PDPR: variants seen among roughly 807,000 people sequenced by gnomAD.
PDPR encodes the protein pyruvate dehydrogenase phosphatase regulatory subunit.
In PDPR, 50 loss-of-function variants were observed where a neutral mutation model predicts 102.2. That is an observed-to-expected ratio of 0.49 (90% CI 0.39 to 0.62). PDPR has a LOEUF of 0.62. Ranked by LOEUF, PDPR falls within the 20% of genes least tolerant of loss-of-function variation. The probability of loss-of-function intolerance (pLI) is 0.00; values close to 1 mark genes in which losing one functional copy is unlikely to be tolerated. For missense variants in PDPR, 625 were observed against 1,098.2 expected (o/e 0.57, Z 6.09); for synonymous variants, 259 against 406.0 (o/e 0.64, Z 4.35).
chr16:70,150,481 T>A (rs1300272762), intron 17 of PDPR, among the ~76,000 whole-genome samples: 5 of 152,240 alleles, frequency 3.3e-5, no homozygotes, highest in African/African-American at 1.2e-4. Context: ...GGCATGCTTG[T>A]TTTCTTCTTG....
At chr16:70,114,623 C>G (rs1962445959) in intron 1 of PDPR, among the ~76,000 whole-genome samples, 183 bp downstream of exon 1, 1 of 152,364 alleles carries the variant, frequency 6.6e-6, no homozygotes, top group South Asian at 2.1e-4. Context: ...GTACTCGTCC[C>G]CGTAAGGTTG....
rs1302096401 is a variant in PDPR, at chr16:70,161,040, AG to A, written c.*4162del. ...TTGCGTTGGCTTGCTTTCAGGGGTTAGCTACAAGATTCAGCTTTATATCTCT... is the reference window on the plus strand; with the variant it reads ...TTGCGTTGGCTTGCTTTCAGGGGTTACTACAAGATTCAGCTTTATATCTCT... On this transcript the variant is annotated 3_prime_UTR_variant, in exon 19 of 19. Coordinates refer to ENST00000288050, the MANE Select transcript of PDPR (RefSeq NM_017990.5). The A allele has an allele frequency of 7.2e-5, 11 of 152,810 alleles. No individual in the cohort carries two copies. Among genetic ancestry groups the A allele is most frequent in the African/African-American group, 2.6e-4 (11 of 41,608 alleles). 9.5% of individuals were successfully genotyped at this position (152,810 alleles called of 1,614,324 possible). A position where few individuals can be genotyped will look rare whatever the true frequency, so the allele number is the denominator to read the frequency against.
chr16:70,153,401 A>C lies in PDPR; in HGVS notation c.2063A>C (p.His688Pro). ...MLYIPIEYAL[H>P]VYNEVMSVGQ... ...TGTCTCTTCCTATAGTACGCCCTGC[A>C]TGTATACAATGAAGTGATGAGTGTT... Residue 688 changes from histidine (H) to proline (P), a missense_variant, in exon 18 of 19, where the codon CAT (histidine) becomes CCT (proline). Coordinates refer to ENST00000288050, the MANE Select transcript of PDPR (RefSeq NM_017990.5). 1.2e-6 allele frequency: 2 copies of C among 1,613,444 alleles called. No individual in the cohort carries two copies. The highest frequency in any genetic ancestry group is 1.7e-6 in the Non-Finnish European group (2 of 1,179,628).
At chr16:70,115,257 G>A (rs962277535) in intron 2 of PDPR, among the ~76,000 whole-genome samples, 1 of 152,078 alleles carries the variant, frequency 6.6e-6, no homozygotes, top group Non-Finnish European at 1.5e-5. Context: ...CCAAGTAGCT[G>A]GGAATACAGG....
At position 70,157,667 on chromosome 16, in the gene PDPR, C is replaced by A. The variant is rs1967371598; in HGVS notation, c.*788C>A. 7 of 164,268 alleles carry A rather than the reference C, an allele frequency of 4.3e-5. No homozygotes were observed. The South Asian group carries it at 1.2e-3, about 27-fold the overall frequency. 10.2% of individuals were successfully genotyped at this position (164,268 alleles called of 1,614,324 possible). ...TGTTTGAAAGGGAAAAACCATATTG[C>A]CTTGTGTGTTGCTTTTCCCAGTCAA... On this transcript the variant is annotated 3_prime_UTR_variant, in exon 19 of 19. Coordinates refer to ENST00000288050, the MANE Select transcript of PDPR (RefSeq NM_017990.5).
chr16:70,132,494 A>G (rs1964638786), intron 9 of PDPR, among the ~76,000 whole-genome samples, 194 bp downstream of exon 9: 1 of 152,364 alleles, frequency 6.6e-6, no homozygotes, highest in Admixed American at 6.5e-5. Context: ...CTAAAATCTT[A>G]GTTAATAGAC....
At chr16:70,143,401 G>A in intron 13 of PDPR, 109 bp from the exon 14 acceptor site, 2 of 1,355,890 alleles carry the variant, frequency 1.5e-6, no homozygotes, top group Non-Finnish European at 2.0e-6. Flanking sequence ...TTGTCACATG[G>A]GAATTGGCTG....
At chr16:70,138,207 ATTTTTTTTTT>A (rs1201065640) in intron 10 of PDPR, among the ~76,000 whole-genome samples, 8,299 of 93,258 alleles carry the variant, frequency 0.089, 21 homozygotes, top group Non-Finnish European at 0.11. Context: ...ACGCCGGCTA[ATTTTTTTTTT>A]TTTTTTTTTT....
chr16:70,114,243 A>G (rs1321082518), upstream of PDPR: 9 of 151,472 alleles, frequency 5.9e-5, no homozygotes, highest in South Asian at 2.1e-4. Flanking sequence ...ACGCGCCGGC[A>G]GTACCCTTGC....
chr16:70,143,616 G>A lies in PDPR; in HGVS notation c.1712G>A (p.Gly571Glu). 6.2e-7 allele frequency: 1 copy of A among 1,613,270 alleles called. No individual in the cohort carries two copies. Among genetic ancestry groups the A allele is most frequent in the Non-Finnish European group, 8.5e-7 (1 of 1,179,276 alleles). The change falls in exon 14 of 19, where the codon GGG becomes GAG. Residue 571 changes from glycine (G) to glutamate (E), a missense_variant. This residue lies in a region of PDPR where 28 missense variants were observed against 141.2 expected (regional missense o/e 0.20). Transcript: ENST00000288050. The stretch of plus-strand genomic sequence containing the variant: ...ACTGGCATGCTCAACGAGGGTGGAG[G>A]GTATGAAAATGACTGCAGCATAGCA... The part of the protein sequence containing the change: ...VHTGMLNEGG[G>E]YENDCSIARL...
intron 9 of PDPR, among the ~76,000 whole-genome samples, chr16:70,135,523 C>T (rs1399038437): frequency 2.0e-5 from 3 of 152,272 alleles, no homozygotes; most frequent in Non-Finnish European, 4.4e-5. Flanking sequence ...AAATGCAAGC[C>T]ACCATGCCCA....
chr16:70,157,082 T>A lies in PDPR; in HGVS notation c.*203T>A, dbSNP rs1247356609. ...TTGCCCTTCCACCTCCTCCTCCTAA[T>A]ATTCACTCTGGGCTCTTCTTCCCTT... On this transcript the variant is annotated 3_prime_UTR_variant, in exon 19 of 19. Transcript: ENST00000288050. The A allele has an allele frequency of 1.3e-6, 1 of 767,866 alleles. No individual in the cohort carries two copies. The highest frequency in any genetic ancestry group is 2.8e-5 in the East Asian group (1 of 36,094). The allele number at this position is 767,866 out of a possible 1,614,324, so 47.6% of individuals were successfully genotyped here. A position where few individuals can be genotyped will look rare whatever the true frequency, so the allele number is the denominator to read the frequency against.
At chr16:70,156,224 C>G (rs1967166923) in intron 18 of PDPR, 2 of 546,698 alleles carry the variant, frequency 3.7e-6, no homozygotes, top group African/African-American at 3.8e-5. Flanking sequence ...GGTCTTGTGA[C>G]TTTATGTTTA....
In PDPR at chr16:70,157,139, G is replaced by A. The variant is rs1967307352; in HGVS notation, c.*260G>A. 1 of 668,858 alleles carries A rather than the reference G, an allele frequency of 1.5e-6. No individual in the cohort carries two copies. The highest frequency in any genetic ancestry group is 2.7e-6 in the Non-Finnish European group (1 of 367,736). The allele number at this position is 668,858 out of a possible 1,614,324, so 41.4% of individuals were successfully genotyped here. ...CCTCACTCAGCTTCTCGTGGTGGCA[G>A]GAGGTATGTCTGACAGGACAGAAGC... On this transcript the variant is annotated 3_prime_UTR_variant, in exon 19 of 19. Coordinates refer to ENST00000288050, the MANE Select transcript of PDPR (RefSeq NM_017990.5).
intron 11 of PDPR, among the ~76,000 whole-genome samples, chr16:70,139,755 G>C (rs1474942590): frequency 1.3e-5 from 2 of 152,210 alleles, no homozygotes; most frequent in Non-Finnish European, 2.9e-5. Flanking sequence ...TCATTTTCCT[G>C]TACTGAGGAG....
rs1963129307 is a variant in PDPR, at chr16:70,120,517, A to G, written c.25A>G (p.Ile9Val). 4.3e-6 allele frequency: 7 copies of G among 1,613,982 alleles called. No individual in the cohort carries two copies. In the East Asian group the frequency reaches 1.6e-4, roughly 36 times the overall value. Residue 9 changes from isoleucine (I) to valine (V), a missense_variant, in exon 3 of 19, where the codon ATT (isoleucine) becomes GTT (valine). By Grantham distance (29) the Ile-to-Val change is conservative. Transcript: ENST00000288050. ...CATGATGTTCTACCGGTTGCTGTCG[A>G]TTGTTGGAAGACAAAGAGCCAGCCC... MMFYRLLS[I>V]VGRQRASPGW...
chr16:70,136,251 T>C lies in PDPR; in HGVS notation c.1055T>C (p.Met352Thr), dbSNP rs1198518047. 6.2e-7 allele frequency: 1 copy of C among 1,612,470 alleles called. No individual in the cohort carries two copies. The highest frequency in any genetic ancestry group is 1.3e-5 in the African/African-American group (1 of 74,918). Reference sequence around the variant, plus strand: ...CCAGAATTAGAGACTCTGGAGATCATGAAGTTGGTGAACTGCCCAGAGACC... The same window carrying C: ...CCAGAATTAGAGACTCTGGAGATCACGAAGTTGGTGAACTGCCCAGAGACC... ...RMPELETLEI[M>T]KLVNCPETFT... Residue 352 changes from methionine to threonine, a missense_variant, in exon 10 of 19, where the codon ATG becomes ACG. By Grantham distance (81) the Met-to-Thr change is moderately conservative. Transcript: ENST00000288050.
chr16:70,150,957 C>T (rs953594669), intron 17 of PDPR, among the ~76,000 whole-genome samples: 2 of 152,242 alleles, frequency 1.3e-5, no homozygotes, highest in African/African-American at 2.4e-5. Flanking sequence ...TGTTTTTAGA[C>T]GGAGCCTCCC....
At chr16:70,147,430 A>G (rs1966325659) in intron 16 of PDPR, 1 of 373,230 alleles carries the variant, frequency 2.7e-6, no homozygotes, top group Non-Finnish European at 5.3e-6. Context: ...CTCTCCATGC[A>G]GTGTGGCCTC....
Sources: gnomAD v4.1 joint callset for allele counts (sites outside exome capture counted in the v4.1 genomes callset) on GRCh38, gnomAD v4.1.1 for gene constraint, gnomAD v4.1.1 regional missense constraint, MANE v1.5 for transcripts, NCBI Gene and HGNC (gene_info 2026-07-23, HGNC 2026-07-21) for gene names.